MYH11: variants seen among roughly 807,000 people sequenced by gnomAD.
MYH11 encodes the protein myosin heavy chain 11.
A neutral mutation model predicts 246.6 loss-of-function variants in MYH11; 80 were observed. The observed-to-expected ratio is 0.32, with a 90% CI of 0.27 to 0.39. MYH11 has a LOEUF of 0.39. MYH11 is among the 10% of genes least tolerant of loss of function. The pLI, the probability that MYH11 is intolerant of heterozygous loss-of-function variation, is 1.00. For missense variants in MYH11, 2,158 were observed against 2,546.8 expected (o/e 0.85, Z 3.29); for synonymous variants, 1,071 against 1,015.5 (o/e 1.05, Z -1.04).
intron 1 of MYH11, among the ~76,000 whole-genome samples, chr16:15,855,217 G>A (rs1239399746): frequency 6.6e-6 from 1 of 152,232 alleles, no homozygotes; most frequent in Non-Finnish European, 1.5e-5. Flanking sequence ...GACCCAGCTA[G>A]TTCACGTTCT....
At chr16:15,818,151 C>T (rs936097525) in intron 3 of MYH11, among the ~76,000 whole-genome samples, 8 of 152,148 alleles carry the variant, frequency 5.3e-5, no homozygotes, top group African/African-American at 1.2e-4. Context: ...TCCTCAATCC[C>T]GCCTTTTCAC....
chr16:15,779,477 T>C, intron 6 of MYH11: 1 of 162,458 alleles, frequency 6.2e-6, no homozygotes. Flanking sequence ...AAACTAAGGC[T>C]AAAAGAGATC....
chr16:15,762,348 C>A (rs2041887164), intron 10 of MYH11, among the ~76,000 whole-genome samples: 1 of 152,204 alleles, frequency 6.6e-6, no homozygotes, highest in Non-Finnish European at 1.5e-5. Flanking sequence ...ACTAGACTGC[C>A]TTTGTAGGAA....
intron 6 of MYH11, 41 bp downstream of exon 6, chr16:15,782,344 C>A: frequency 1.3e-6 from 2 of 1,579,594 alleles, no homozygotes; most frequent in Non-Finnish European, 1.7e-6. Flanking sequence ...GGAGATGACA[C>A]CAAAGCTTTT....
intron 1 of MYH11, among the ~76,000 whole-genome samples, chr16:15,854,061 G>A (rs1017750273): frequency 6.6e-6 from 1 of 152,058 alleles, no homozygotes; most frequent in African/African-American, 2.4e-5. Context: ...CTAAACAAAT[G>A]TAATTGGAAT....
chr16:15,710,108 T>C (rs539248632), intron 40 of MYH11, among the ~76,000 whole-genome samples: 2 of 152,336 alleles, frequency 1.3e-5, no homozygotes, highest in African/African-American at 2.4e-5. Flanking sequence ...ACCTGCATTA[T>C]GTGTGTATTC....
At chr16:15,738,263 T>C (rs950889773) in intron 24 of MYH11, among the ~76,000 whole-genome samples, 3 of 151,044 alleles carry the variant, frequency 2.0e-5, no homozygotes, top group African/African-American at 4.9e-5. Flanking sequence ...CCCAGCACTT[T>C]GGGAGGCCAA....
Position 15,763,908 on chromosome 16 carries a change from AG to A in MYH11, c.1034-18del, listed in dbSNP as rs1280976233. ...TCAATATGGCTGAGGTGGGGAGAGA[AG>A]GGCAGAGCAGACACAAAGGTCAATG... is the stretch of plus-strand genomic sequence containing the variant. On this transcript the variant is annotated intron_variant, in intron 9 of 40. Coordinates refer to ENST00000300036, the MANE Select transcript of MYH11 (RefSeq NM_002474.3). 2 of 1,599,778 alleles carry A rather than the reference AG, an allele frequency of 1.3e-6. No homozygotes were observed. Among genetic ancestry groups the A allele is most frequent in the South Asian group, 1.1e-5 (1 of 90,750 alleles).
rs2040728572 is a variant in MYH11 at position 15,725,887 on chromosome 16, T to A, written c.3859-895A>T. The A allele has an allele frequency of 1.3e-5, 5 of 391,710 alleles. No individual in the cohort carries two copies. In the East Asian group the frequency reaches 1.8e-4, roughly 14 times the overall value. The allele number at this position is 391,710 out of a possible 1,614,324, so 24.3% of individuals were successfully genotyped here. A position where few individuals can be genotyped will look rare whatever the true frequency, so the allele number is the denominator to read the frequency against. On this transcript the variant is annotated intron_variant, in intron 28 of 40. Transcript: ENST00000300036. The stretch of plus-strand genomic sequence containing the variant: ...TGCCCAGAGTAAGGATCAACATACA[T>A]GTAATAGGTTCTCAAAAGCCCTACA...
chr16:15,717,099 AC>A (rs550078773), intron 38 of MYH11, 40 bp downstream of exon 38: 9 of 1,600,360 alleles, frequency 5.6e-6, no homozygotes, highest in South Asian at 2.2e-5. Context: ...GCTGTCCATC[AC>A]CCCCCTGCAA....
intron 40 of MYH11, 96 bp downstream of exon 40, chr16:15,714,813 G>A (rs2040025431): frequency 1.4e-6 from 2 of 1,452,362 alleles, no homozygotes; most frequent in East Asian, 2.3e-5. Flanking sequence ...GGCGGCTGTG[G>A]GCACAAGGGG....
At chr16:15,705,778 G>A (rs1017695859) in intron 40 of MYH11, among the ~76,000 whole-genome samples, 2 of 151,802 alleles carry the variant, frequency 1.3e-5, no homozygotes, top group African/African-American at 2.4e-5. Context: ...TCAGGAGATC[G>A]AGACCATCCT....
chr16:15,712,182 G>A (rs1252392469), intron 40 of MYH11, among the ~76,000 whole-genome samples: 2 of 152,222 alleles, frequency 1.3e-5, no homozygotes, highest in African/African-American at 2.4e-5. Context: ...GACTTGGGGT[G>A]CAGCATGTTT....
chr16:15,764,493 C>A (rs1435878006), intron 9 of MYH11, among the ~76,000 whole-genome samples: 1 of 151,640 alleles, frequency 6.6e-6, no homozygotes, highest in Admixed American at 6.6e-5. Flanking sequence ...AAAAAAAAAA[C>A]CCTGACATAT....
At chr16:15,806,018 C>T (rs972390209) in intron 3 of MYH11, among the ~76,000 whole-genome samples, 1 of 151,980 alleles carries the variant, frequency 6.6e-6, no homozygotes, top group Non-Finnish European at 1.5e-5. Context: ...GTGGCTCACA[C>T]CTGTAATCCC....
intron 1 of MYH11, among the ~76,000 whole-genome samples, chr16:15,846,780 C>G (rs754906986): frequency 3.8e-4 from 58 of 152,136 alleles, no homozygotes; most frequent in Non-Finnish European, 7.8e-4. Flanking sequence ...ATGGTGAAAC[C>G]TTGTCTCTAG....
intron 1 of MYH11, among the ~76,000 whole-genome samples, chr16:15,852,381 G>A (rs929277000): frequency 6.9e-6 from 1 of 144,098 alleles, no homozygotes; most frequent in Admixed American, 7.3e-5. Flanking sequence ...TGCCCAGGCT[G>A]GAGTGCAGTG....
Position 15,759,658 on chromosome 16 carries a change from A to G in MYH11, c.1319T>C (p.Val440Ala). 6.2e-7 allele frequency: 1 copy of G among 1,614,216 alleles called. No individual in the cohort carries two copies. Among genetic ancestry groups the G allele is most frequent in the South Asian group, 1.1e-5 (1 of 91,080 alleles). The change falls in exon 12 of 41, where the codon GTG (valine) becomes GCG (alanine). Residue 440 changes from valine to alanine, a missense_variant. Physicochemically the swap from Val to Ala is moderately conservative, Grantham distance 64. Around this residue, in one of 11 missense-constraint regions of MYH11, gnomAD observed 317 missense variants for 507.7 expected, o/e 0.62. Coordinates refer to ENST00000300036, the MANE Select transcript of MYH11 (RefSeq NM_002474.3). The part of the protein sequence containing the change: ...ERLFRWILTR[V>A]NKALDKTHRQ... Reference sequence around the variant, plus strand: ...ATGGGTCTTGTCCAGGGCTTTGTTCACGCGGGTGAGTATCCAGCGGAAAAG... The same window carrying G: ...ATGGGTCTTGTCCAGGGCTTTGTTCGCGCGGGTGAGTATCCAGCGGAAAAG...
chr16:15,725,417 C>A, intron 28 of MYH11: 1 of 500,610 alleles, frequency 2.0e-6, no homozygotes. Context: ...CTTGAACGTC[C>A]CAGGGATGCT....
Sources: allele counts gnomAD v4.1 joint callset (sites outside exome capture counted in the v4.1 genomes callset), GRCh38; gene constraint gnomAD v4.1.1; regional missense constraint gnomAD v4.1.1; transcripts MANE v1.5; gene names NCBI Gene and HGNC (gene_info 2026-07-23, HGNC 2026-07-21).